Variants in RYR3 observed in about 807,000 individuals in gnomAD.
The protein encoded by RYR3 is ryanodine receptor 3.
RYR3 carries 207 observed loss-of-function variants against 584.3 expected under a neutral mutation model. That is an observed-to-expected ratio of 0.35 (90% confidence interval 0.32 to 0.40). RYR3 has a LOEUF of 0.40. Among genes scored for constraint, RYR3 ranks in the 10% least tolerant of loss-of-function variants. RYR3 has a pLI of 1.00. For synonymous variants in RYR3, 2,416 were observed against 2,248.5 expected (o/e 1.07, Z -2.11); for missense variants, 5,616 against 6,089.2 (o/e 0.92, Z 2.59).
chr15:33,756,862 C>G (rs1940901203), intron 59 of RYR3, among the ~76,000 whole-genome samples: 1 of 152,034 alleles, frequency 6.6e-6, no homozygotes, highest in Non-Finnish European at 1.5e-5. Context: ...CCTTGAATGC[C>G]AAGGAAAAGT....
intron 3 of RYR3, among the ~76,000 whole-genome samples, chr15:33,519,576 A>G (rs1400534716): frequency 2.6e-5 from 4 of 151,572 alleles, no homozygotes; most frequent in Admixed American, 6.6e-5. Flanking sequence ...AGACCTCACC[A>G]TAGGCCCACC....
intron 1 of RYR3, among the ~76,000 whole-genome samples, chr15:33,336,484 G>GAGAA (rs1208071964): frequency 2.7e-4 from 6 of 22,376 alleles, no homozygotes; most frequent in East Asian, 1.0e-3. Flanking sequence ...GAGAGAGAGA[G>GAGAA]AGAAAGAAAG....
At chr15:33,860,396 G>A (rs939690018) in intron 100 of RYR3, among the ~76,000 whole-genome samples, 199 bp from the exon 101 acceptor site, 1 of 152,194 alleles carries the variant, frequency 6.6e-6, no homozygotes, top group Non-Finnish European at 1.5e-5. Flanking sequence ...ACTGCATGGT[G>A]TAGAAAGGTA....
chr15:33,569,291 A>T (rs1229146092), intron 12 of RYR3, among the ~76,000 whole-genome samples: 1 of 152,224 alleles, frequency 6.6e-6, no homozygotes, highest in African/African-American at 2.4e-5. Flanking sequence ...TATACATCAC[A>T]TAAAACTTAT....
rs746862087 is a variant in RYR3 at position 33,826,654 on chromosome 15, A to G, written c.11165-18A>G. The G allele has an allele frequency of 1.6e-5, 25 of 1,604,944 alleles. No individual in the cohort carries two copies. The East Asian group carries it at 2.2e-4, about 14-fold the overall frequency. On this transcript the variant is annotated intron_variant, in intron 83 of 103. Transcript: ENST00000634891. ...TGAGAAGCCAAACCAATGCTCATCAACGTTCTGTGTTTTCAAGGTGAAAAA... is the reference window on the plus strand; with the variant it reads ...TGAGAAGCCAAACCAATGCTCATCAGCGTTCTGTGTTTTCAAGGTGAAAAA...
chr15:33,506,166 A>G (rs1219060006), intron 3 of RYR3, among the ~76,000 whole-genome samples: 2 of 152,188 alleles, frequency 1.3e-5, no homozygotes, highest in Non-Finnish European at 2.9e-5. Context: ...ATAAGTAATC[A>G]TTCATGTTCC....
intron 99 of RYR3, chr15:33,858,829 G>C (rs1172059239): frequency 6.6e-6 from 1 of 152,240 alleles, no homozygotes; most frequent in Non-Finnish European, 1.5e-5. Flanking sequence ...AGGGGACAGT[G>C]AAATGCCCAG....
At position 33,843,522 on chromosome 15, in the gene RYR3, T is replaced by C. The variant is rs1346465934; in HGVS notation, c.13244T>C (p.Phe4415Ser). The C allele has an allele frequency of 1.2e-6, 2 of 1,604,842 alleles. No homozygotes were observed. The highest frequency in any genetic ancestry group is 1.3e-5 in the African/African-American group (1 of 75,006). ...YLARNFYNLR[F>S]LALFVAFAIN... is the part of the protein sequence containing the mutation. The stretch of plus-strand genomic sequence containing the variant: ...GCCAGGAATTTCTACAACCTGAGGT[T>C]CCTTGCTCTGTTTGTAGCCTTCGCT... The change falls in exon 92 of 104, where the codon TTC (phenylalanine) becomes TCC (serine). Residue 4415 changes from phenylalanine to serine, a missense_variant. Physicochemically the swap from Phe to Ser is radical, Grantham distance 155. Transcript: ENST00000634891.
chr15:33,838,074 A>G lies in RYR3; in HGVS notation c.12094A>G (p.Ile4032Val), dbSNP rs1555485015. The change falls in exon 89 of 104, where the codon ATC becomes GTC. Residue 4032 changes from isoleucine (I) to valine (V), a missense_variant. Around this residue, in one of 9 missense-constraint regions of RYR3, gnomAD observed 258 missense variants for 297.3 expected, o/e 0.87. Transcript: ENST00000634891. Reference sequence around the variant, plus strand: ...TTACTTCGAACCCTACCTAGGACGCATCGAGATCATGGGTGGGGCCAAGAA... The same window carrying G: ...TTACTTCGAACCCTACCTAGGACGCGTCGAGATCATGGGTGGGGCCAAGAA... ...LNYFEPYLGR[I>V]EIMGGAKKIE... 6.2e-7 allele frequency: 1 copy of G among 1,614,008 alleles called. No individual in the cohort carries two copies.
intron 53 of RYR3, among the ~76,000 whole-genome samples, chr15:33,746,648 G>A (rs12910601): frequency 0.58 from 88,037 of 151,328 alleles, 26,138 homozygotes; most frequent in East Asian, 0.87. Flanking sequence ...AAAATACAAA[G>A]ATTAGCCAGG....
intron 19 of RYR3, among the ~76,000 whole-genome samples, chr15:33,616,078 G>C (rs13379896): frequency 0.47 from 71,368 of 151,944 alleles, 17,316 homozygotes; most frequent in Middle Eastern, 0.59. Flanking sequence ...CATTAATACT[G>C]CTCCCACTTT....
chr15:33,631,460 G>T (rs1164643307), intron 23 of RYR3, among the ~76,000 whole-genome samples, 167 bp downstream of exon 23: 1 of 152,156 alleles, frequency 6.6e-6, no homozygotes, highest in Non-Finnish European at 1.5e-5. Flanking sequence ...TAGAAGCCTG[G>T]TGAAGAAGTA....
chr15:33,419,395 G>C (rs1468200705), intron 1 of RYR3, among the ~76,000 whole-genome samples: 1 of 152,164 alleles, frequency 6.6e-6, no homozygotes, highest in Non-Finnish European at 1.5e-5. Context: ...AGGTGGAAAA[G>C]TTGGCTTTTG....
chr15:33,647,693 T>C (rs1228990198), intron 30 of RYR3, among the ~76,000 whole-genome samples: 1 of 152,168 alleles, frequency 6.6e-6, no homozygotes, highest in Admixed American at 6.5e-5. Flanking sequence ...CTGGGCATCA[T>C]TGGATACTTG....
At chr15:33,860,972 T>C in intron 101 of RYR3, 106 bp from the exon 102 acceptor site, 1 of 918,980 alleles carries the variant, frequency 1.1e-6, no homozygotes, top group Non-Finnish European at 1.7e-6. Context: ...CCAAAAGCAT[T>C]AGAAAGAAAG....
chr15:33,836,566 A>C (rs1285441868), intron 87 of RYR3, among the ~76,000 whole-genome samples: 2 of 152,200 alleles, frequency 1.3e-5, no homozygotes, highest in Non-Finnish European at 2.9e-5. Flanking sequence ...GTAATTCTCC[A>C]GTGTAGATAA....
At chr15:33,430,106 T>C (rs947547959) in intron 1 of RYR3, among the ~76,000 whole-genome samples, 2 of 152,196 alleles carry the variant, frequency 1.3e-5, no homozygotes, top group Non-Finnish European at 2.9e-5. Context: ...ACTATTTGTT[T>C]TGAGATAGAT....
intron 1 of RYR3, among the ~76,000 whole-genome samples, chr15:33,348,709 C>A (rs1972795137): frequency 6.6e-6 from 1 of 152,086 alleles, no homozygotes; most frequent in Non-Finnish European, 1.5e-5. Context: ...CTCCTGACCA[C>A]AAGTGATCTG....
intron 2 of RYR3, 106 bp downstream of exon 2, chr15:33,473,644 A>T: frequency 1.7e-6 from 2 of 1,145,040 alleles, no homozygotes; most frequent in Non-Finnish European, 2.5e-6. Context: ...ATTTGAAAGG[A>T]CACATTTATT....
Sources: gnomAD v4.1 joint callset for allele counts (sites outside exome capture counted in the v4.1 genomes callset) on GRCh38, gnomAD v4.1.1 for gene constraint, gnomAD v4.1.1 regional missense constraint, MANE v1.5 for transcripts, NCBI Gene and HGNC (gene_info 2026-07-23, HGNC 2026-07-21) for gene names.